Variants in ALDH1L1 observed in about 807,000 individuals in gnomAD.
ALDH1L1 encodes the protein aldehyde dehydrogenase 1 family member L1, also known as cytosolic 10-formyltetrahydrofolate dehydrogenase.
ALDH1L1 carries 68 observed loss-of-function variants against 101.1 expected under a neutral mutation model. That is an observed-to-expected ratio of 0.67 (90% CI 0.55 to 0.82). The LOEUF (loss-of-function observed/expected upper bound fraction) is 0.82, where lower values mean the gene tolerates loss of function less well. Ranked by LOEUF, ALDH1L1 falls within the 40% of genes least tolerant of loss-of-function variation. The pLI, the probability that ALDH1L1 is intolerant of heterozygous loss-of-function variation, is 0.00. For synonymous variants in ALDH1L1, 486 were observed against 470.8 expected (o/e 1.03, Z -0.42); for missense variants, 1,087 against 1,172.7 (o/e 0.93, Z 1.07).
At chr3:126,164,190 G>A (rs1057129932) in intron 1 of ALDH1L1, among the ~76,000 whole-genome samples, 1 of 151,868 alleles carries the variant, frequency 6.6e-6, no homozygotes, top group Non-Finnish European at 1.5e-5. Flanking sequence ...AGGCAGAAAA[G>A]AAGAAAAGAA....
intron 6 of ALDH1L1, among the ~76,000 whole-genome samples, 153 bp downstream of exon 6, chr3:126,154,401 G>A (rs896554481): frequency 1.3e-5 from 2 of 152,220 alleles, no homozygotes; most frequent in Non-Finnish European, 2.9e-5. Flanking sequence ...CACTCCTGGG[G>A]AAAGGCTGGG....
At chr3:126,115,452 G>A in intron 17 of ALDH1L1, 1 of 172,666 alleles carries the variant, frequency 5.8e-6, no homozygotes, top group Non-Finnish European at 1.3e-5. Context: ...AGGGATGCTG[G>A]GGCAGGAAGC....
intron 14 of ALDH1L1, 108 bp from the exon 15 acceptor site, chr3:126,125,829 A>G: frequency 1.3e-6 from 1 of 781,334 alleles, no homozygotes; most frequent in Non-Finnish European, 1.9e-6. Context: ...TCTCAAAGCC[A>G]GGCTTCCTGA....
Position 126,158,516 on chromosome 3 carries a change from G to T in ALDH1L1, c.251C>A (p.Pro84His). ...QALGAELNVLPFCSQFIPMEI... is the reference protein window; with the variant it reads ...QALGAELNVLHFCSQFIPMEI... ...CATGGGGATGAATTGGCTGCAGAAGGGCAGGACGTTGAGCTCGGCCCCCAA... is the reference window on the plus strand; with the variant it reads ...CATGGGGATGAATTGGCTGCAGAAGTGCAGGACGTTGAGCTCGGCCCCCAA... The change falls in exon 3 of 23, where the codon CCC becomes CAC. Residue 84 changes from proline (P) to histidine (H), a missense_variant. Transcript: ENST00000393434. 6.2e-7 allele frequency: 1 copy of T among 1,614,204 alleles called. No homozygotes were observed. Among genetic ancestry groups the T allele is most frequent in the Non-Finnish European group, 8.5e-7 (1 of 1,180,018 alleles).
chr3:126,157,164 T>A (rs1450104855), intron 4 of ALDH1L1, among the ~76,000 whole-genome samples, 179 bp downstream of exon 4: 1 of 152,146 alleles, frequency 6.6e-6, no homozygotes, highest in Non-Finnish European at 1.5e-5. Context: ...TCCCTCCTAA[T>A]ACAATACACT....
At chr3:126,166,387 A>T (rs2081168978) in intron 1 of ALDH1L1, among the ~76,000 whole-genome samples, 1 of 152,218 alleles carries the variant, frequency 6.6e-6, no homozygotes, top group Admixed American at 6.5e-5. Context: ...TTGGCATAAC[A>T]TTTATATAAT....
chr3:126,107,102 G>T, intron 21 of ALDH1L1, 39 bp downstream of exon 21: 1 of 1,566,894 alleles, frequency 6.4e-7, no homozygotes, highest in South Asian at 1.1e-5. Context: ...ACACGTGGGA[G>T]AGAGTCAGGG....
At chr3:126,188,841 C>T (rs969396362) in intron 1 of ALDH1L1, among the ~76,000 whole-genome samples, 1 of 152,136 alleles carries the variant, frequency 6.6e-6, no homozygotes, top group Non-Finnish European at 1.5e-5. Context: ...TTAAAGTATG[C>T]CCCTTACCCA....
intron 1 of ALDH1L1, among the ~76,000 whole-genome samples, chr3:126,188,201 G>A (rs973374072): frequency 6.6e-6 from 1 of 152,236 alleles, no homozygotes; most frequent in Non-Finnish European, 1.5e-5. Context: ...GCGGGTCCAT[G>A]TTTGCAGGAT....
chr3:126,139,469 A>C (rs972629074), intron 9 of ALDH1L1, among the ~76,000 whole-genome samples: 1 of 151,676 alleles, frequency 6.6e-6, no homozygotes, highest in Non-Finnish European at 1.5e-5. Context: ...AACACCCAAA[A>C]TGTCCAGTTA....
At chr3:126,108,366 G>A (rs762330324) in intron 20 of ALDH1L1, among the ~76,000 whole-genome samples, 4 of 152,176 alleles carry the variant, frequency 2.6e-5, no homozygotes, top group African/African-American at 4.8e-5. Flanking sequence ...CCTCCAGGGC[G>A]GGGTGATGGC....
chr3:126,187,571 G>A (rs1043095548), intron 1 of ALDH1L1, among the ~76,000 whole-genome samples: 1 of 152,306 alleles, frequency 6.6e-6, no homozygotes, highest in East Asian at 1.9e-4. Flanking sequence ...TCAGTTTACA[G>A]TGGGGCGAAA....
rs778431095 is a variant in ALDH1L1, at chr3:126,118,068, T to G, written c.1919A>C (p.His640Pro). ...GSLVGQRLSDHPDVRKIGFTG... is the reference protein window; with the variant it reads ...GSLVGQRLSDPPDVRKIGFTG... Reference sequence around the variant, plus strand: ...GAACCCGATTTTCCTCACATCAGGATGGTCTGAGAGTCTCTGGCCGACCAG... The same window carrying G: ...GAACCCGATTTTCCTCACATCAGGAGGGTCTGAGAGTCTCTGGCCGACCAG... Residue 640 changes from histidine (H) to proline (P), a missense_variant, in exon 17 of 23, where the codon CAT becomes CCT. Coordinates refer to ENST00000393434, the MANE Select transcript of ALDH1L1 (RefSeq NM_012190.4). The G allele has an allele frequency of 6.2e-7, 1 of 1,613,562 alleles. No individual in the cohort carries two copies. The highest frequency in any genetic ancestry group is 1.1e-5 in the South Asian group (1 of 91,038).
intron 1 of ALDH1L1, among the ~76,000 whole-genome samples, chr3:126,187,762 T>C (rs2081529295): frequency 6.6e-6 from 1 of 152,072 alleles, no homozygotes; most frequent in South Asian, 2.1e-4. Context: ...AGGGAAACTA[T>C]CAAGGGCCCT....
chr3:126,171,938 G>T (rs1182506370), intron 1 of ALDH1L1, among the ~76,000 whole-genome samples: 3 of 151,920 alleles, frequency 2.0e-5, no homozygotes, highest in Non-Finnish European at 2.9e-5. Flanking sequence ...AGTAACAAGG[G>T]GATTACGGAT....
At chr3:126,190,487 A>G (rs1370744818) in intron 1 of ALDH1L1, among the ~76,000 whole-genome samples, 1 of 152,174 alleles carries the variant, frequency 6.6e-6, no homozygotes, top group African/African-American at 2.4e-5. Flanking sequence ...TCCACACTTC[A>G]CGCTGAATTT....
intron 11 of ALDH1L1, 107 bp from the exon 12 acceptor site, chr3:126,135,769 G>C (rs935839612): frequency 2.2e-6 from 3 of 1,334,102 alleles, no homozygotes; most frequent in Non-Finnish European, 3.0e-6. Flanking sequence ...GGCGGCCCCT[G>C]TCCACATGAG....
intron 1 of ALDH1L1, among the ~76,000 whole-genome samples, chr3:126,187,169 A>C (rs1409171094): frequency 6.6e-6 from 1 of 152,154 alleles, no homozygotes; most frequent in Non-Finnish European, 1.5e-5. Flanking sequence ...TAAGAGTGTA[A>C]AAAGCTATTG....
At chr3:126,135,790 G>T in intron 11 of ALDH1L1, 128 bp from the exon 12 acceptor site, 1 of 1,171,086 alleles carries the variant, frequency 8.5e-7, no homozygotes, top group Non-Finnish European at 1.1e-6. Flanking sequence ...CAGGTGTGGA[G>T]GAGAAGCATG....
Sources: allele counts gnomAD v4.1 joint callset (sites outside exome capture counted in the v4.1 genomes callset), GRCh38; gene constraint gnomAD v4.1.1; transcripts MANE v1.5; gene names NCBI Gene and HGNC (gene_info 2026-07-23, HGNC 2026-07-21).